IFNLR1: variants seen among roughly 807,000 people sequenced by gnomAD.
The protein encoded by IFNLR1 is interferon lambda receptor 1.
Under a neutral mutation model 52.5 loss-of-function variants are expected in IFNLR1, and 28 were observed. The ratio of observed to expected loss-of-function variants is 0.53; its 90% CI spans 0.40 to 0.73. The LOEUF is 0.73. Among genes scored for constraint, IFNLR1 ranks in the 30% least tolerant of loss-of-function variants. The pLI, the probability that IFNLR1 is intolerant of heterozygous loss-of-function variation, is 0.00. For missense variants in IFNLR1, 623 were observed against 659.1 expected, an observed-to-expected ratio of 0.95 and a Z score of 0.60; for synonymous variants, 276 against 274.9, an observed-to-expected ratio of 1.00 and a Z score of -0.04.
At chr1:24,182,962 C>A (rs1291933372) in intron 1 of IFNLR1, among the ~76,000 whole-genome samples, 8 of 147,838 alleles carry the variant, frequency 5.4e-5, no homozygotes, top group Non-Finnish European at 1.1e-4. Flanking sequence ...AACACAACAT[C>A]TGTCATATAC....
intron 1 of IFNLR1, among the ~76,000 whole-genome samples, chr1:24,186,246 C>T (rs1644737321): frequency 6.6e-6 from 1 of 152,086 alleles, no homozygotes; most frequent in African/African-American, 2.4e-5. Flanking sequence ...ACGTGCCTAC[C>T]CTGGAGGCAA....
At chr1:24,179,184 A>G (rs1644664261) in intron 2 of IFNLR1, among the ~76,000 whole-genome samples, 1 of 152,012 alleles carries the variant, frequency 6.6e-6, no homozygotes, top group African/African-American at 2.4e-5. Context: ...CTTGGACTCA[A>G]GCAATCTCCC....
chr1:24,176,006 C>A (rs560846365), intron 2 of IFNLR1, among the ~76,000 whole-genome samples: 1 of 151,016 alleles, frequency 6.6e-6, no homozygotes. Flanking sequence ...GAAAAGGACA[C>A]AAATTTTGGG....
intron 1 of IFNLR1, among the ~76,000 whole-genome samples, chr1:24,184,013 A>T (rs1452320160): frequency 6.6e-5 from 10 of 152,164 alleles, no homozygotes; most frequent in Admixed American, 6.5e-4. Context: ...TACAGGCCTG[A>T]GCCACTGTGC....
chr1:24,167,973 A>G (rs144904730), intron 3 of IFNLR1, among the ~76,000 whole-genome samples: 18,930 of 152,012 alleles, frequency 0.12, 1,323 homozygotes, highest in African/African-American at 0.17. Context: ...CTGGGATTAC[A>G]AGCTTGAGCC....
chr1:24,181,058 C>A (rs146811901), intron 1 of IFNLR1, among the ~76,000 whole-genome samples: 1 of 152,100 alleles, frequency 6.6e-6, no homozygotes, highest in Non-Finnish European at 1.5e-5. Context: ...ACTCTGGGAC[C>A]GGAGGGTTCC....
chr1:24,168,795 G>T (rs1349562334), intron 3 of IFNLR1, among the ~76,000 whole-genome samples: 1 of 152,104 alleles, frequency 6.6e-6, no homozygotes, highest in Non-Finnish European at 1.5e-5. Flanking sequence ...CCAGGCTGGA[G>T]TGCAGGGGCG....
At chr1:24,158,358 G>C (rs1197273374) in intron 6 of IFNLR1, among the ~76,000 whole-genome samples, 1 of 152,228 alleles carries the variant, frequency 6.6e-6, no homozygotes, top group Non-Finnish European at 1.5e-5. Context: ...GCACGGGGCA[G>C]GGCACAGACA....
At chr1:24,166,173 C>T (rs1376043547) in intron 3 of IFNLR1, among the ~76,000 whole-genome samples, 2 of 131,126 alleles carry the variant, frequency 1.5e-5, no homozygotes, top group Non-Finnish European at 3.3e-5. Flanking sequence ...CCTTCCTTTC[C>T]TTCCCATCCA....
Position 24,159,063 on chromosome 1 carries a change from G to C in IFNLR1, c.790C>G (p.Pro264Ala). 1 of 1,614,000 alleles carries C rather than the reference G, an allele frequency of 6.2e-7. No homozygotes were observed. The highest frequency in any genetic ancestry group is 8.5e-7 in the Non-Finnish European group (1 of 1,179,974). The change falls in exon 6 of 7, where the codon CCA becomes GCA. Residue 264 changes from proline (P) to alanine (A), a missense_variant. Physicochemically the swap from Pro to Ala is conservative, Grantham distance 27. Transcript: ENST00000327535. ...GNPWFQRAKM[P>A]RALDFSGHTH... ...CAGATTTGCTATACCAGGGCCCGTGGCATCTTTGCCCGCTGAAACCAGGGG... is the reference window on the plus strand; with the variant it reads ...CAGATTTGCTATACCAGGGCCCGTGCCATCTTTGCCCGCTGAAACCAGGGG...
chr1:24,184,466 A>G (rs1037877381), intron 1 of IFNLR1, among the ~76,000 whole-genome samples: 2 of 152,090 alleles, frequency 1.3e-5, no homozygotes, highest in African/African-American at 4.8e-5. Context: ...GCCCTGCCTG[A>G]CGTGGCCTGG....
chr1:24,182,227 G>A (rs1053538494), intron 1 of IFNLR1, among the ~76,000 whole-genome samples: 4 of 147,792 alleles, frequency 2.7e-5, no homozygotes, highest in Non-Finnish European at 6.0e-5. Flanking sequence ...AGTGTTCCAT[G>A]AAGGGCACAC....
At chr1:24,167,350 G>C (rs747405736) in intron 3 of IFNLR1, among the ~76,000 whole-genome samples, 2 of 152,084 alleles carry the variant, frequency 1.3e-5, no homozygotes, top group African/African-American at 4.8e-5. Context: ...GTCTGTGATT[G>C]CATGAGCCAA....
chr1:24,175,035 C>T (rs1176301031), intron 2 of IFNLR1, among the ~76,000 whole-genome samples: 4 of 152,212 alleles, frequency 2.6e-5, no homozygotes, highest in African/African-American at 9.7e-5. Flanking sequence ...CCAGCTTTGA[C>T]TAAAGGGGAC....
At chr1:24,187,019 C>T (rs897918540) in intron 1 of IFNLR1, among the ~76,000 whole-genome samples, 172 bp downstream of exon 1, 2 of 152,238 alleles carry the variant, frequency 1.3e-5, no homozygotes, top group African/African-American at 4.8e-5. Flanking sequence ...AGACCCGGTT[C>T]TGTTCAGTCC....
In IFNLR1 at chr1:24,161,654, G is replaced by A; in HGVS notation, c.398C>T (p.Thr133Ile). The change falls in exon 4 of 7, where the codon ACC (threonine) becomes ATC (isoleucine). Residue 133 changes from threonine (T) to isoleucine (I), a missense_variant. Coordinates refer to ENST00000327535, the MANE Select transcript of IFNLR1 (RefSeq NM_170743.4). ...VEPAPPVLVLTQTEEILSANA... is the reference protein window; with the variant it reads ...VEPAPPVLVLIQTEEILSANA... ...GGCACTCAGGATCTCCTCCGTCTGG[G>A]TGAGCACCAGGACAGGTGGGGCCGG... is the stretch of plus-strand genomic sequence containing the variant. 5 of 1,533,352 alleles carry A rather than the reference G, an allele frequency of 3.3e-6. No individual in the cohort carries two copies. Among genetic ancestry groups the A allele is most frequent in the Non-Finnish European group, 3.5e-6 (4 of 1,136,744 alleles). The allele number at this position is 1,533,352 out of a possible 1,614,324, so 95.0% of individuals were successfully genotyped here. A position where few individuals can be genotyped will look rare whatever the true frequency, so the allele number is the denominator to read the frequency against.
chr1:24,169,820 C>T (rs1557648311), intron 2 of IFNLR1, among the ~76,000 whole-genome samples: 1 of 152,216 alleles, frequency 6.6e-6, no homozygotes, highest in Non-Finnish European at 1.5e-5. Flanking sequence ...AGCCCTGTCC[C>T]TCCCTAGCTT....
At position 24,161,631 on chromosome 1, in the gene IFNLR1, C is replaced by A; in HGVS notation, c.421G>T (p.Ala141Ser). The A allele has an allele frequency of 6.5e-7, 1 of 1,547,004 alleles. No homozygotes were observed. The highest frequency in any genetic ancestry group is 8.7e-7 in the Non-Finnish European group (1 of 1,144,094). The part of the protein sequence containing the change: ...VLTQTEEILS[A>S]NATYQLPPCM... ...GGGGGCAGCTGGTACGTGGCATTGG[C>A]ACTCAGGATCTCCTCCGTCTGGGTG... The change falls in exon 4 of 7, where the codon GCC (alanine) becomes TCC (serine). Residue 141 changes from alanine (A) to serine (S), a missense_variant. Ala to Ser is a moderately conservative substitution (Grantham distance 99). Transcript: ENST00000327535.
chr1:24,155,866 G>T lies in IFNLR1; in HGVS notation c.*1264C>A, dbSNP rs995241049. Reference sequence around the variant, plus strand: ...CTCAGCTACGCTCATCTATATTCAGGTGGGTGTAGGTTAACTGAGGATGCA... The same window carrying T: ...CTCAGCTACGCTCATCTATATTCAGTTGGGTGTAGGTTAACTGAGGATGCA... On this transcript the variant is annotated 3_prime_UTR_variant, in exon 7 of 7. Coordinates refer to ENST00000327535, the MANE Select transcript of IFNLR1 (RefSeq NM_170743.4). The T allele has an allele frequency of 1.8e-4, 28 of 152,212 alleles. No individual in the cohort carries two copies. The highest frequency in any genetic ancestry group is 6.5e-4 in the African/African-American group (27 of 41,448). The allele number at this position is 152,212 out of a possible 1,614,324, so 9.4% of individuals were successfully genotyped here. A position where few individuals can be genotyped will look rare whatever the true frequency, so the allele number is the denominator to read the frequency against.
Sources: gnomAD v4.1 joint callset for allele counts (sites outside exome capture counted in the v4.1 genomes callset) on GRCh38, gnomAD v4.1.1 for gene constraint, MANE v1.5 for transcripts, NCBI Gene and HGNC (gene_info 2026-07-23, HGNC 2026-07-21) for gene names.